PDS5B: variants seen among roughly 807,000 people sequenced by gnomAD.
PDS5B encodes the protein sister chromatid cohesion protein PDS5 homolog B.
A neutral mutation model predicts 184.1 loss-of-function variants in PDS5B; 51 were observed. That is an observed-to-expected ratio of 0.28 (90% confidence interval 0.22 to 0.35). The LOEUF (loss-of-function observed/expected upper bound fraction) is 0.35, where lower values mean the gene tolerates loss of function less well. Ranked by LOEUF, PDS5B falls within the 10% of genes least tolerant of loss-of-function variation. The pLI is 1.00. For synonymous variants in PDS5B, 566 were observed against 569.2 expected, an observed-to-expected ratio of 0.99 and a Z score of 0.08; for missense variants, 1,180 against 1,723.3, an observed-to-expected ratio of 0.68 and a Z score of 5.58.
chr13:32,648,503 T>C (rs1005993750), intron 1 of PDS5B, among the ~76,000 whole-genome samples: 4 of 152,164 alleles, frequency 2.6e-5, no homozygotes, highest in Non-Finnish European at 5.9e-5. Flanking sequence ...ATTATTATTA[T>C]TTTTAGTTGG....
chr13:32,590,963 T>TAA lies in PDS5B; in HGVS notation c.-20+4383_-20+4384dup, dbSNP rs561927231. Among the ~76,000 whole-genome samples, 456 of 141,812 alleles carry TAA rather than the reference T, an allele frequency of 3.2e-3. 1 individual carries two copies. Among genetic ancestry groups the TAA allele is most frequent in the African/African-American group, 0.011 (445 of 38,902 alleles). 93.0% of individuals were successfully genotyped at this position (141,812 alleles called of 152,430 possible). A position where few individuals can be genotyped will look rare whatever the true frequency, so the allele number is the denominator to read the frequency against. The stretch of plus-strand genomic sequence containing the variant: ...AGTTAAAAGTTATACAGGTATATGG[T>TAA]AAAAAAAAAAAAAATTTAATGATAG... On this transcript the variant is annotated intron_variant, in intron 1 of 34. Coordinates refer to ENST00000315596, the MANE Select transcript of PDS5B (RefSeq NM_015032.4).
At chr13:32,759,949 T>TA (rs544026282) in intron 29 of PDS5B, among the ~76,000 whole-genome samples, 6 of 151,746 alleles carry the variant, frequency 4.0e-5, no homozygotes, top group Non-Finnish European at 5.9e-5. Flanking sequence ...AATATCAAGA[T>TA]AAAAAAAATC....
intron 20 of PDS5B, 141 bp from the exon 21 acceptor site, chr13:32,735,031 T>C (rs1470800169): frequency 4.0e-6 from 2 of 496,584 alleles, no homozygotes; most frequent in Non-Finnish European, 6.8e-6. Context: ...CTATGTATAT[T>C]TATTGAAATT....
At chr13:32,758,344 C>A in intron 27 of PDS5B, 125 bp downstream of exon 27, 3 of 964,154 alleles carry the variant, frequency 3.1e-6, no homozygotes, top group Non-Finnish European at 3.0e-6. Context: ...ATTAGAATTA[C>A]GTAGAATTAG....
intron 9 of PDS5B, among the ~76,000 whole-genome samples, chr13:32,677,947 A>G (rs528245935): frequency 1.3e-5 from 2 of 152,272 alleles, no homozygotes; most frequent in East Asian, 3.9e-4. Flanking sequence ...GTTGAGAGAC[A>G]GCTAAACATC....
chr13:32,697,935 GAACTGCTGGCCTC>G, intron 15 of PDS5B, among the ~76,000 whole-genome samples: 1 of 152,256 alleles, frequency 6.6e-6, no homozygotes, highest in African/African-American at 2.4e-5. Context: ...GGCTAGTGCT[GAACTGCTGGCCTC>G]AAGTGCTGGG....
At chr13:32,657,000 T>C (rs967007681) in intron 3 of PDS5B, among the ~76,000 whole-genome samples, 11 of 152,240 alleles carry the variant, frequency 7.2e-5, no homozygotes, top group African/African-American at 2.7e-4. Context: ...TGGCTTATTA[T>C]GTGGTCAGTT....
rs1950476239 is a variant in PDS5B, at chr13:32,655,355, TTG to T, written c.313-2883_313-2882del. ...TTTGAAAAGTATCTCTTCATGTTCT[TTG>T]CCATATATATATATATATTTTTTTT... is the stretch of plus-strand genomic sequence containing the variant. On this transcript the variant is annotated intron_variant, in intron 3 of 34. Transcript: ENST00000315596. Among the ~76,000 whole-genome samples the T allele has an allele frequency of 9.7e-5, 6 of 62,050 alleles. 1 individual carries two copies. The South Asian group carries it at 4.3e-3, about 44-fold the overall frequency. 40.7% of individuals were successfully genotyped at this position (62,050 alleles called of 152,430 possible).
At chr13:32,738,995 A>C (rs971441078) in intron 21 of PDS5B, among the ~76,000 whole-genome samples, 3 of 152,170 alleles carry the variant, frequency 2.0e-5, no homozygotes, top group Non-Finnish European at 4.4e-5. Context: ...TATTACTTTT[A>C]ATGTAGCTGT....
chr13:32,761,118 C>T (rs1288390974), intron 30 of PDS5B, among the ~76,000 whole-genome samples: 3 of 152,120 alleles, frequency 2.0e-5, no homozygotes, highest in Non-Finnish European at 4.4e-5. Context: ...GTATATAAAG[C>T]AGCATTATGG....
At position 32,669,217 on chromosome 13, in the gene PDS5B, A is replaced by G. The variant is rs938832101; in HGVS notation, c.705+1373A>G. On this transcript the variant is annotated intron_variant, in intron 7 of 34. Transcript: ENST00000315596. ...TAAATGACTATTTCCATGGGCCATTAGAGCACACTAGGTGAGCTCCTCCTG... is the reference window on the plus strand; with the variant it reads ...TAAATGACTATTTCCATGGGCCATTGGAGCACACTAGGTGAGCTCCTCCTG... Among the ~76,000 whole-genome samples, 3 of 152,058 alleles carry G rather than the reference A, an allele frequency of 2.0e-5. No homozygotes were observed. In the East Asian group the frequency reaches 5.8e-4, roughly 29 times the overall value.
chr13:32,741,180 A>T (rs1279084336), intron 22 of PDS5B, 32 bp downstream of exon 22: 5 of 1,092,654 alleles, frequency 4.6e-6, no homozygotes, highest in Admixed American at 2.2e-5. Context: ...ATTGATTTTA[A>T]TATAATCACC....
intron 1 of PDS5B, among the ~76,000 whole-genome samples, chr13:32,593,495 C>T (rs1254494760): frequency 1.3e-5 from 2 of 152,178 alleles, no homozygotes; most frequent in Non-Finnish European, 2.9e-5. Flanking sequence ...CACCTGCCAC[C>T]ACGCCCGGCT....
At chr13:32,745,390 G>T (rs146146186) in intron 23 of PDS5B, among the ~76,000 whole-genome samples, 1 of 152,088 alleles carries the variant, frequency 6.6e-6, no homozygotes, top group Admixed American at 6.5e-5. Flanking sequence ...TAGAATGAGG[G>T]AATTAAATGA....
intron 1 of PDS5B, among the ~76,000 whole-genome samples, chr13:32,634,006 T>G (rs2140584939): frequency 6.6e-6 from 1 of 152,314 alleles, no homozygotes; most frequent in East Asian, 1.9e-4. Flanking sequence ...TACTAAACTA[T>G]ACTTCTCTCC....
At chr13:32,620,068 G>A (rs1010654515) in intron 1 of PDS5B, among the ~76,000 whole-genome samples, 3 of 152,034 alleles carry the variant, frequency 2.0e-5, no homozygotes, top group African/African-American at 4.8e-5. Flanking sequence ...CAAAGTGCTA[G>A]GATTACAGTC....
At chr13:32,637,528 A>C (rs2058584179) in intron 1 of PDS5B, among the ~76,000 whole-genome samples, 1 of 152,154 alleles carries the variant, frequency 6.6e-6, no homozygotes, top group Admixed American at 6.5e-5. Flanking sequence ...GTATGTGCGG[A>C]CTGGAGTTGA....
Position 32,770,776 on chromosome 13 carries a change from T to C in PDS5B, c.4172+15T>C, listed in dbSNP as rs886071531. 5.8e-6 allele frequency: 9 copies of C among 1,557,338 alleles called. No homozygotes were observed. The highest frequency in any genetic ancestry group is 1.2e-5 in the South Asian group (1 of 85,702). The stretch of plus-strand genomic sequence containing the variant: ...AAAAAAAATGTGTAAGTTGTAAATA[T>C]TACATTTCAAACCAATTTCAAATTA... On this transcript the variant is annotated intron_variant, in intron 33 of 34. Coordinates refer to ENST00000315596, the MANE Select transcript of PDS5B (RefSeq NM_015032.4).
intron 30 of PDS5B, 119 bp from the exon 31 acceptor site, chr13:32,764,370 T>G (rs1034728439): frequency 2.2e-6 from 1 of 453,182 alleles, no homozygotes; most frequent in Admixed American, 4.3e-5. Context: ...AGAATGAAAC[T>G]GATTCATTTT....
Sources: gnomAD v4.1 joint callset for allele counts (sites outside exome capture counted in the v4.1 genomes callset) on GRCh38, gnomAD v4.1.1 for gene constraint, MANE v1.5 for transcripts, NCBI Gene and HGNC (gene_info 2026-07-23, HGNC 2026-07-21) for gene names.